The following ING1 variants were observed in gnomAD, a reference collection of about 807,000 sequenced individuals.
The protein encoded by ING1 is inhibitor of growth family member 1.
A neutral mutation model predicts 23.1 loss-of-function variants in ING1; 4 were observed. That is an observed-to-expected ratio of 0.17 (90% CI 0.09 to 0.40). The LOEUF is 0.40. Ranked by LOEUF, ING1 falls within the 10% of genes least tolerant of loss-of-function variation. The probability of loss-of-function intolerance (pLI) is 1.00; values close to 1 mark genes in which losing one functional copy is unlikely to be tolerated. For synonymous variants in ING1, 179 were observed against 166.4 expected, an observed-to-expected ratio of 1.08 and a Z score of -0.58; for missense variants, 256 against 393.8, an observed-to-expected ratio of 0.65 and a Z score of 2.96.
Position 110,719,716 on chromosome 13 carries a change from C to T in ING1, c.624C>T (p.Asn208=), listed in dbSNP as rs2139976481. Residue 208 remains asparagine (N), a synonymous_variant, in exon 2 of 2, where the codon AAC becomes AAT. Coordinates refer to ENST00000333219, the MANE Select transcript of ING1 (RefSeq NM_198219.3). The surrounding 1 kb of genome is among the most constrained non-coding windows in gnomAD (Gnocchi z 8.9). ...CTGCCGACCTCCCCATCGACCCCAA[C>T]GAACCCACGTACTGTCTGTGCAACC... ...ASPADLPIDP[N]EPTYCLCNQV... The T allele has an allele frequency of 6.2e-7, 1 of 1,613,988 alleles. No individual in the cohort carries two copies.
At chr13:110,715,928 G>T in intron 1 of ING1, 1 of 1,564,924 alleles carries the variant, frequency 6.4e-7, no homozygotes, top group Non-Finnish European at 8.6e-7. Context: ...CGCCTCCCGC[G>T]ACCCGCGGGG....
rs2064177591 is a variant in ING1 at position 110,722,362 on chromosome 13, A to G, written c.*2430A>G. The G allele has an allele frequency of 6.6e-6, 1 of 152,258 alleles. No homozygotes were observed. Among genetic ancestry groups the G allele is most frequent in the South Asian group, 2.1e-4 (1 of 4,834 alleles). The allele number at this position is 152,258 out of a possible 1,614,324, so 9.4% of individuals were successfully genotyped here. On this transcript the variant is annotated 3_prime_UTR_variant, in exon 2 of 2. Transcript: ENST00000333219. ...ATCCAGTGACAATAAAAATAGCTTG[A>G]GTCTTTGCTTATATAAAATTTCATG...
Position 110,714,033 on chromosome 13 carries a change from C to A in ING1, c.-117C>A. Reference sequence around the variant, plus strand: ...GCCGCCGGGCCGAAGCAGGAGCCGGCGGGGGGGCGCCGGGAGAGCGAGGGC... The same window carrying A: ...GCCGCCGGGCCGAAGCAGGAGCCGGAGGGGGGGCGCCGGGAGAGCGAGGGC... On this transcript the variant is annotated 5_prime_UTR_variant, in exon 1 of 2. Coordinates refer to ENST00000333219, the MANE Select transcript of ING1 (RefSeq NM_198219.3). 1 of 1,214,894 alleles carries A rather than the reference C, an allele frequency of 8.2e-7. No individual in the cohort carries two copies. The allele number at this position is 1,214,894 out of a possible 1,614,324, so 75.3% of individuals were successfully genotyped here.
chr13:110,716,156 C>T, intron 1 of ING1: 1 of 827,586 alleles, frequency 1.2e-6, no homozygotes, highest in Non-Finnish European at 1.7e-6. Flanking sequence ...TTTGATCGTT[C>T]GACGATAGAA....
At chr13:110,715,930 C>T (rs1471778427) in intron 1 of ING1, 2 of 1,560,132 alleles carry the variant, frequency 1.3e-6, no homozygotes, top group Non-Finnish European at 1.7e-6. Flanking sequence ...CCTCCCGCGA[C>T]CCGCGGGGCC....
chr13:110,716,096 T>G, intron 1 of ING1: 1 of 1,360,318 alleles, frequency 7.4e-7, no homozygotes, highest in Non-Finnish European at 9.6e-7. Context: ...ACGGGCCCCG[T>G]GGGGTGACCC....
At chr13:110,712,993 ACT>A (rs1566375700), upstream of ING1, 2 of 1,547,664 alleles carry the variant, frequency 1.3e-6, no homozygotes, top group Admixed American at 1.9e-5. Flanking sequence ...TCTCCCGCGC[ACT>A]CTGCGGCCGC....
intron 1 of ING1, chr13:110,715,535 G>T (rs772969841): frequency 1.1e-5 from 18 of 1,614,090 alleles, no homozygotes; most frequent in South Asian, 7.7e-5. Flanking sequence ...ACTGGTATGG[G>T]TCTGTGTTTC....
chr13:110,715,348 C>A, intron 1 of ING1: 1 of 1,467,296 alleles, frequency 6.8e-7, no homozygotes. Context: ...CGCCCCTGCG[C>A]GTTCTATCCG....
In ING1 at chr13:110,723,100, G is replaced by A. The variant is rs2064181558; in HGVS notation, c.*3168G>A. ...GATATAATACTTTCTATTGTAAACTGGACTAAAGAAACGTTGTATGTTCAA... is the reference window on the plus strand; with the variant it reads ...GATATAATACTTTCTATTGTAAACTAGACTAAAGAAACGTTGTATGTTCAA... On this transcript the variant is annotated 3_prime_UTR_variant, in exon 2 of 2. Coordinates refer to ENST00000333219, the MANE Select transcript of ING1 (RefSeq NM_198219.3). 1 of 152,170 alleles carries A rather than the reference G, an allele frequency of 6.6e-6. No homozygotes were observed. The highest frequency in any genetic ancestry group is 1.5e-5 in the Non-Finnish European group (1 of 68,036). 9.4% of individuals were successfully genotyped at this position (152,170 alleles called of 1,614,324 possible). A position where few individuals can be genotyped will look rare whatever the true frequency, so the allele number is the denominator to read the frequency against.
chr13:110,718,045 C>T (rs1420207160), intron 1 of ING1, among the ~76,000 whole-genome samples: 1 of 152,186 alleles, frequency 6.6e-6, no homozygotes, highest in Non-Finnish European at 1.5e-5. Context: ...TTACACTTGC[C>T]AAATTACACT....
rs1594460110 is a variant in ING1, at chr13:110,723,282, C to T, written c.*3350C>T. On this transcript the variant is annotated 3_prime_UTR_variant, in exon 2 of 2. Transcript: ENST00000333219. Reference sequence around the variant, plus strand: ...GTGATTAGAGCTATGTGAGTTGTCTCAATACTTGAGACTGTCGGTGGTTGC... The same window carrying T: ...GTGATTAGAGCTATGTGAGTTGTCTTAATACTTGAGACTGTCGGTGGTTGC... The T allele has an allele frequency of 1.3e-5, 2 of 151,828 alleles. No individual in the cohort carries two copies. The highest frequency in any genetic ancestry group is 3.9e-4 in the East Asian group (2 of 5,170). The allele number at this position is 151,828 out of a possible 1,614,324, so 9.4% of individuals were successfully genotyped here.
At position 110,719,891 on chromosome 13, in the gene ING1, G is replaced by T. The variant is rs1173539619; in HGVS notation, c.799G>T (p.Ala267Ser). The change falls in exon 2 of 2, where the codon GCC (alanine) becomes TCC (serine). Residue 267 changes from alanine to serine, a missense_variant. Ala to Ser is a moderately conservative substitution (Grantham distance 99, BLOSUM62 1). Transcript: ENST00000333219. This position sits in a 1 kb window ranked among gnomAD's most constrained non-coding sequence, Gnocchi z 8.9. The stretch of plus-strand genomic sequence containing the variant: ...GGAGAACGAGAAGACCATGGACAAA[G>T]CCCTGGAGAAATCCAAAAAAGAGAG... Reference protein sequence around the residue: ...RGENEKTMDKALEKSKKERAY... With the variant: ...RGENEKTMDKSLEKSKKERAY... 1 of 1,609,922 alleles carries T rather than the reference G, an allele frequency of 6.2e-7. No individual in the cohort carries two copies. The highest frequency in any genetic ancestry group is 1.1e-5 in the South Asian group (1 of 90,806).
rs2064166013 is a variant in ING1, at chr13:110,720,798, T to C, written c.*866T>C. The C allele has an allele frequency of 6.0e-6, 1 of 167,134 alleles. No individual in the cohort carries two copies. The highest frequency in any genetic ancestry group is 1.5e-5 in the Non-Finnish European group (1 of 68,128). 10.4% of individuals were successfully genotyped at this position (167,134 alleles called of 1,614,324 possible). A position where few individuals can be genotyped will look rare whatever the true frequency, so the allele number is the denominator to read the frequency against. On this transcript the variant is annotated 3_prime_UTR_variant, in exon 2 of 2. Transcript: ENST00000333219. ...GTTCCTCTAGTAGTATATTTAATTT[T>C]GACATAAGTAACTTTTAAAATTTGT...
At position 110,719,532 on chromosome 13, in the gene ING1, G is replaced by C. The variant is rs761965051; in HGVS notation, c.440G>C (p.Ser147Thr). ...GCAGCGCAGGCTGACAAGCCCAACA[G>C]CAAGCGCTCACGGCGGCAGCGCAAC... ...EAAAQADKPN[S>T]KRSRRQRNNE... The change falls in exon 2 of 2, where the codon AGC becomes ACC. Residue 147 changes from serine to threonine, a missense_variant. Around this residue, in one of 3 missense-constraint regions of ING1, gnomAD observed 209 missense variants for 273.8 expected, o/e 0.76. Coordinates refer to ENST00000333219, the MANE Select transcript of ING1 (RefSeq NM_198219.3). The surrounding 1 kb of genome is among the most constrained non-coding windows in gnomAD (Gnocchi z 8.9). The C allele has an allele frequency of 5.6e-6, 9 of 1,610,766 alleles. No individual in the cohort carries two copies. The East Asian group carries it at 2.0e-4, about 36-fold the overall frequency.
chr13:110,712,754 A>G (rs1043632293), upstream of ING1: 3 of 704,308 alleles, frequency 4.3e-6, no homozygotes, highest in Non-Finnish European at 5.2e-6. Context: ...AACGGTGTCC[A>G]TGACACAGGG....
chr13:110,719,678 C>A lies in ING1; in HGVS notation c.586C>A (p.Arg196=), dbSNP rs368239053. 5 of 1,613,700 alleles carry A rather than the reference C, an allele frequency of 3.1e-6. No homozygotes were observed. In the African/African-American group the frequency reaches 6.7e-5, roughly 22 times the overall value. ...KKKRSKAKAE[R]EASPADLPID... is the part of the protein sequence containing the mutation. ...GAAGCGCTCCAAGGCCAAGGCGGAG[C>A]GAGAGGCGTCCCCTGCCGACCTCCC... Residue 196 remains arginine, a synonymous_variant, in exon 2 of 2, where the codon CGA becomes AGA. Coordinates refer to ENST00000333219, the MANE Select transcript of ING1 (RefSeq NM_198219.3). The surrounding 1 kb of genome is among the most constrained non-coding windows in gnomAD (Gnocchi z 8.9).
At position 110,719,907 on chromosome 13, in the gene ING1, A is replaced by G; in HGVS notation, c.815A>G (p.Lys272Arg). 6.2e-7 allele frequency: 1 copy of G among 1,607,738 alleles called. No homozygotes were observed. Residue 272 changes from lysine (K) to arginine (R), a missense_variant, in exon 2 of 2, where the codon AAA becomes AGA. Transcript: ENST00000333219. This position sits in a 1 kb window ranked among gnomAD's most constrained non-coding sequence, Gnocchi z 8.9. ...ATGGACAAAGCCCTGGAGAAATCCA[A>G]AAAAGAGAGGGCTTACAACAGGTAG... is the stretch of plus-strand genomic sequence containing the variant. ...KTMDKALEKS[K>R]KERAYNR
At chr13:110,715,771 C>T (rs758020543) in intron 1 of ING1, 6 of 1,587,080 alleles carry the variant, frequency 3.8e-6, no homozygotes, top group South Asian at 3.4e-5. Flanking sequence ...GCGAGTCTCC[C>T]GCTGGCCTCC....
Sources: allele counts gnomAD v4.1 joint callset (sites outside exome capture counted in the v4.1 genomes callset), GRCh38; gene constraint gnomAD v4.1.1; regional missense constraint gnomAD v4.1.1; non-coding constraint Gnocchi (gnomAD v3.1); transcripts MANE v1.5; gene names NCBI Gene and HGNC (gene_info 2026-07-23, HGNC 2026-07-21).